The following SESN2 variants were observed in gnomAD, a reference collection of about 807,000 sequenced individuals.
SESN2 encodes sestrin-2.
Under a neutral mutation model 56.0 loss-of-function variants are expected in SESN2, and 42 were observed. That is an observed-to-expected ratio of 0.75 (90% CI 0.59 to 0.97). The LOEUF (loss-of-function observed/expected upper bound fraction) is 0.97, where lower values mean the gene tolerates loss of function less well. Among genes scored for constraint, SESN2 ranks in the 50% least tolerant of loss-of-function variants. SESN2 has a pLI of 0.00. For synonymous variants in SESN2, 264 were observed against 267.1 expected (o/e 0.99, Z 0.11); for missense variants, 507 against 649.4 (o/e 0.78, Z 2.38).
At chr1:28,261,948 T>G (rs891022318) in intron 1 of SESN2, among the ~76,000 whole-genome samples, 1 of 151,996 alleles carries the variant, frequency 6.6e-6, no homozygotes, top group Non-Finnish European at 1.5e-5. Context: ...GCCCAGCTAA[T>G]TTTTGTATTT....
chr1:28,262,437 G>A (rs774712150), intron 1 of SESN2, among the ~76,000 whole-genome samples: 73 of 150,910 alleles, frequency 4.8e-4, no homozygotes, highest in Non-Finnish European at 7.8e-4. Flanking sequence ...GAGCCCAGGA[G>A]TTCAAAACCA....
At position 28,259,909 on chromosome 1, in the gene SESN2, G is replaced by C; in HGVS notation, c.62G>C (p.Gly21Ala). 6.8e-7 allele frequency: 1 copy of C among 1,474,512 alleles called. No homozygotes were observed. Among genetic ancestry groups the C allele is most frequent in the Non-Finnish European group, 8.9e-7 (1 of 1,117,610 alleles). 91.3% of individuals were successfully genotyped at this position (1,474,512 alleles called of 1,614,324 possible). Residue 21 changes from glycine to alanine, a missense_variant, in exon 1 of 10, where the codon GGC (glycine) becomes GCC (alanine). Coordinates refer to ENST00000253063, the MANE Select transcript of SESN2 (RefSeq NM_031459.5). ...AAGGACTACCTGCGGTTCGCCCCGG[G>C]CGGCGTCGGCGACTCGGGCCCCGGA... ...ELKDYLRFAP[G>A]GVGDSGPGEE...
intron 1 of SESN2, among the ~76,000 whole-genome samples, chr1:28,264,322 GAAAAAAAGAA>G (rs1454350229): frequency 4.6e-5 from 7 of 150,558 alleles, no homozygotes; most frequent in South Asian, 2.1e-4. Flanking sequence ...CCATCTCAAA[GAAAAAAAGAA>G]AAAAAAAGAA....
At chr1:28,271,091 A>C (rs2149038321) in intron 2 of SESN2, among the ~76,000 whole-genome samples, 2 of 152,338 alleles carry the variant, frequency 1.3e-5, no homozygotes, top group African/African-American at 4.8e-5. Context: ...TATTTATCAG[A>C]TCTGTGACTT....
chr1:28,268,547 C>G (rs913690197), intron 1 of SESN2, among the ~76,000 whole-genome samples: 1 of 151,936 alleles, frequency 6.6e-6, no homozygotes, highest in Non-Finnish European at 1.5e-5. Context: ...TGCCTGTAAT[C>G]CCAGCTACTC....
Position 28,272,635 on chromosome 1 carries a change from C to G in SESN2, c.592C>G (p.Leu198Val). The G allele has an allele frequency of 6.2e-7, 1 of 1,614,196 alleles. No homozygotes were observed. The highest frequency in any genetic ancestry group is 1.1e-5 in the South Asian group (1 of 91,086). ...TWSLAELIQA[L>V]VLLTHCHSLS... The stretch of plus-strand genomic sequence containing the variant: ...GTCCCTGGCCGAGCTCATTCAGGCT[C>G]TGGTCCTGCTCACCCACTGCCACTC... Residue 198 changes from leucine (L) to valine (V), a missense_variant, in exon 5 of 10, where the codon CTG becomes GTG. Transcript: ENST00000253063.
chr1:28,267,486 G>A (rs563443935), intron 1 of SESN2, among the ~76,000 whole-genome samples: 108 of 152,232 alleles, frequency 7.1e-4, no homozygotes, highest in African/African-American at 2.5e-3. Flanking sequence ...GAGAAGGAAG[G>A]TTCAATTATA....
chr1:28,272,367 G>A lies in SESN2; in HGVS notation c.438G>A (p.Leu146=), dbSNP rs768068831. Residue 146 remains leucine, a synonymous_variant, in exon 4 of 10, where the codon CTG becomes CTA. Coordinates refer to ENST00000253063, the MANE Select transcript of SESN2 (RefSeq NM_031459.5). Reference sequence around the variant, plus strand: ...AGACTGGTGGTGACCCTGAGTGGCTGCTGGGCCTCCACCGGGCCCCCGAGA... The same window carrying A: ...AGACTGGTGGTGACCCTGAGTGGCTACTGGGCCTCCACCGGGCCCCCGAGA... ...FLQTGGDPEW[L]LGLHRAPEKL... 2 of 1,613,828 alleles carry A rather than the reference G, an allele frequency of 1.2e-6. No homozygotes were observed. Among genetic ancestry groups the A allele is most frequent in the Non-Finnish European group, 8.5e-7 (1 of 1,180,034 alleles).
chr1:28,264,488 A>G (rs776469872), intron 1 of SESN2, among the ~76,000 whole-genome samples: 3 of 152,126 alleles, frequency 2.0e-5, no homozygotes, highest in Non-Finnish European at 2.9e-5. Context: ...TTATAAAAAT[A>G]CCCAACACTG....
intron 1 of SESN2, among the ~76,000 whole-genome samples, chr1:28,265,570 T>C (rs1162018017): frequency 4.6e-5 from 7 of 152,180 alleles, no homozygotes; most frequent in Non-Finnish European, 1.0e-4. Flanking sequence ...ATTTTTTGTA[T>C]TTTTAGTAGA....
At chr1:28,260,732 T>G (rs1366934281) in intron 1 of SESN2, among the ~76,000 whole-genome samples, 2 of 137,056 alleles carry the variant, frequency 1.5e-5, no homozygotes, top group Non-Finnish European at 3.1e-5. Context: ...CATCCCGGCA[T>G]AGCCCGCAGG....
In SESN2 at chr1:28,274,130, C is replaced by A. The variant is rs776026085; in HGVS notation, c.992C>A (p.Ala331Asp). 6.2e-7 allele frequency: 1 copy of A among 1,613,594 alleles called. No individual in the cohort carries two copies. The highest frequency in any genetic ancestry group is 2.2e-5 in the East Asian group (1 of 44,880). ...FGYEDFTRRG[A>D]QAPPTFRAQD... The stretch of plus-strand genomic sequence containing the variant: ...TATGAGGACTTCACTCGGAGAGGGG[C>A]TCAGGCACCCCCTACCTTCCGGGCC... Residue 331 changes from alanine (A) to aspartate (D), a missense_variant, in exon 7 of 10, where the codon GCT (alanine) becomes GAT (aspartate). Coordinates refer to ENST00000253063, the MANE Select transcript of SESN2 (RefSeq NM_031459.5).
rs774449109 is a variant in SESN2 at position 28,272,384 on chromosome 1, C to T, written c.455C>T (p.Ala152Val). ...GAGTGGCTGCTGGGCCTCCACCGGGCCCCCGAGAAGCTGCGCAAACTCAGC... is the reference window on the plus strand; with the variant it reads ...GAGTGGCTGCTGGGCCTCCACCGGGTCCCCGAGAAGCTGCGCAAACTCAGC... ...DPEWLLGLHRAPEKLRKLSEI... is the reference protein window; with the variant it reads ...DPEWLLGLHRVPEKLRKLSEI... Residue 152 changes from alanine to valine, a missense_variant, in exon 4 of 10, where the codon GCC (alanine) becomes GTC (valine). Transcript: ENST00000253063. 6.2e-6 allele frequency: 10 copies of T among 1,613,586 alleles called. No individual in the cohort carries two copies. The highest frequency in any genetic ancestry group is 2.2e-5 in the East Asian group (1 of 44,878).
chr1:28,275,472 A>G (rs954118543), intron 8 of SESN2, among the ~76,000 whole-genome samples: 2 of 152,206 alleles, frequency 1.3e-5, no homozygotes, highest in African/African-American at 4.8e-5. Flanking sequence ...AAATTACAAT[A>G]GGCTGGGCGC....
Position 28,274,805 on chromosome 1 carries a change from T to TC in SESN2, c.1021-17dup. 1 of 1,592,434 alleles carries TC rather than the reference T, an allele frequency of 6.3e-7. No individual in the cohort carries two copies. Among genetic ancestry groups the TC allele is most frequent in the Non-Finnish European group, 8.6e-7 (1 of 1,164,904 alleles). ...GTCTTGGGCTCCAAAGACTCACCAA[T>TC]CCCTTCCCACCTACCTAAGGATTAT... On this transcript the variant is annotated intron_variant, in intron 7 of 9. Transcript: ENST00000253063.
intron 8 of SESN2, among the ~76,000 whole-genome samples, chr1:28,278,681 G>GA (rs1408585391): frequency 1.3e-5 from 2 of 152,196 alleles, no homozygotes; most frequent in Non-Finnish European, 2.9e-5. Flanking sequence ...TGTTGATCAT[G>GA]AAAAAACAAA....
Position 28,259,556 on chromosome 1 carries a change from G to T in SESN2, c.-292G>T. On this transcript the variant is annotated 5_prime_UTR_variant, in exon 1 of 10. Coordinates refer to ENST00000253063, the MANE Select transcript of SESN2 (RefSeq NM_031459.5). Reference sequence around the variant, plus strand: ...CGGCGGGGATGCTGAGGAGCGCTGGGTCCGGGAGCAGCCCTGGCCCCTGCG... The same window carrying T: ...CGGCGGGGATGCTGAGGAGCGCTGGTTCCGGGAGCAGCCCTGGCCCCTGCG... 3 of 336,646 alleles carry T rather than the reference G, an allele frequency of 8.9e-6. No homozygotes were observed. The highest frequency in any genetic ancestry group is 1.6e-5 in the Non-Finnish European group (3 of 186,202). 20.9% of individuals were successfully genotyped at this position (336,646 alleles called of 1,614,324 possible). A position where few individuals can be genotyped will look rare whatever the true frequency, so the allele number is the denominator to read the frequency against.
At chr1:28,265,607 C>G (rs929372974) in intron 1 of SESN2, among the ~76,000 whole-genome samples, 2 of 152,142 alleles carry the variant, frequency 1.3e-5, no homozygotes, top group African/African-American at 4.8e-5. Context: ...GTTGGTCAGG[C>G]TGGTCTCGAA....
At position 28,269,235 on chromosome 1, in the gene SESN2, TC is replaced by T. The variant is rs1269131012; in HGVS notation, c.147del (p.Val50TrpfsTer21). 1 of 1,612,000 alleles carries T rather than the reference TC, an allele frequency of 6.2e-7. No individual in the cohort carries two copies. The highest frequency in any genetic ancestry group is 1.3e-5 in the African/African-American group (1 of 74,886). The stretch of plus-strand genomic sequence containing the variant: ...GGCCCTCGAGGGCCCAGCGCCTTCA[TC>T]CCCGTGGAGGAGGTAAGCTTGGAAG... Reference protein sequence around the residue: ...RRGPRGPSAFIPVEEVLREGA... With the variant: ...RRGPRGPSAFXPVEEVLREGA... On this transcript the variant is annotated frameshift_variant, in exon 2 of 10. Transcript: ENST00000253063. LOFTEE classifies it high-confidence loss of function.
Sources: allele counts gnomAD v4.1 joint callset (sites outside exome capture counted in the v4.1 genomes callset), GRCh38; gene constraint gnomAD v4.1.1; transcripts MANE v1.5; gene names NCBI Gene and HGNC (gene_info 2026-07-23, HGNC 2026-07-21).